Variants in ITPR1 observed in about 807,000 individuals in gnomAD.
ITPR1 encodes inositol 1,4,5-trisphosphate receptor type 1, also known as inositol 1,4,5-trisphosphate-gated calcium channel ITPR1.
In ITPR1, 96 loss-of-function variants were observed where a neutral mutation model predicts 318.4. That is an observed-to-expected ratio of 0.30 (90% CI 0.26 to 0.36). The LOEUF is 0.36. ITPR1 is among the 10% of genes least tolerant of loss of function. The probability of loss-of-function intolerance (pLI) is 1.00; values close to 1 mark genes in which losing one functional copy is unlikely to be tolerated. For missense variants in ITPR1, 2,440 were observed against 3,460.2 expected (o/e 0.71, Z 7.40); for synonymous variants, 1,312 against 1,289.9 (o/e 1.02, Z -0.37).
At chr3:4,815,330 G>T in intron 59 of ITPR1, 112 bp downstream of exon 59, 4 of 935,888 alleles carry the variant, frequency 4.3e-6, no homozygotes, top group Non-Finnish European at 6.4e-6. Flanking sequence ...TGCGGGAGGG[G>T]GCACCGGCTG....
intron 40 of ITPR1, among the ~76,000 whole-genome samples, chr3:4,722,606 G>A (rs1271158857): frequency 1.3e-5 from 2 of 151,930 alleles, no homozygotes; most frequent in African/African-American, 4.8e-5. Flanking sequence ...TATATTTATT[G>A]AAATTACAGC....
At position 4,775,116 on chromosome 3, in the gene ITPR1, C is replaced by A; in HGVS notation, c.5980-126C>A. 5 of 750,506 alleles carry A rather than the reference C, an allele frequency of 6.7e-6. No individual in the cohort carries two copies. In the South Asian group the frequency reaches 7.5e-5, roughly 11 times the overall value. 46.5% of individuals were successfully genotyped at this position (750,506 alleles called of 1,614,324 possible). On this transcript the variant is annotated intron_variant, in intron 46 of 61. Coordinates refer to ENST00000649015, the MANE Select transcript of ITPR1 (RefSeq NM_001378452.1). The stretch of plus-strand genomic sequence containing the variant: ...TGGGGGGCATACTGACTCTTCCATG[C>A]TCTCCCACGTGGCATCTCTCTGTAT...
chr3:4,620,755 T>C (rs1390489838), intron 4 of ITPR1, among the ~76,000 whole-genome samples: 1 of 151,210 alleles, frequency 6.6e-6, no homozygotes, highest in African/African-American at 2.4e-5. Flanking sequence ...TCTGTGAAGC[T>C]TTGAATCAAG....
intron 44 of ITPR1, among the ~76,000 whole-genome samples, chr3:4,764,502 A>G (rs1240253459): frequency 6.6e-6 from 1 of 152,226 alleles, no homozygotes; most frequent in Non-Finnish European, 1.5e-5. Context: ...CACTCTGCAT[A>G]AGGCAGACAG....
chr3:4,815,858 A>C (rs1175324088), intron 59 of ITPR1, among the ~76,000 whole-genome samples: 5 of 152,126 alleles, frequency 3.3e-5, no homozygotes, highest in Non-Finnish European at 7.4e-5. Context: ...TGCCCCCTTA[A>C]AACCTTTTTA....
intron 2 of ITPR1, among the ~76,000 whole-genome samples, chr3:4,504,820 C>T (rs189015209): frequency 2.6e-5 from 4 of 152,282 alleles, no homozygotes; most frequent in South Asian, 4.1e-4. Context: ...TTCTCTACCT[C>T]GTATTTACAG....
chr3:4,562,471 C>G (rs1023511193), intron 4 of ITPR1, among the ~76,000 whole-genome samples: 1 of 152,090 alleles, frequency 6.6e-6, no homozygotes, highest in African/African-American at 2.4e-5. Context: ...GTGAGTGAAG[C>G]AGTTGGACTA....
rs1338204832 is a variant in ITPR1, at chr3:4,619,661, CT to C, written c.164-8101del. Among the ~76,000 whole-genome samples the C allele has an allele frequency of 2.3e-3, 11 of 4,802 alleles. 2 individuals carry two copies. The highest frequency in any genetic ancestry group is 9.8e-3 in the Admixed American group (4 of 408). The allele number at this position is 4,802 out of a possible 152,430, so 3.2% of individuals were successfully genotyped here. A position where few individuals can be genotyped will look rare whatever the true frequency, so the allele number is the denominator to read the frequency against. On this transcript the variant is annotated intron_variant, in intron 4 of 61. Transcript: ENST00000649015. ...CCCTGCTCTCCTCTGCTCTCCCCTG[CT>C]CTCCTCTGCTCTCCCCTGCTCTCCT...
intron 4 of ITPR1, among the ~76,000 whole-genome samples, chr3:4,529,674 T>A (rs1487929041): frequency 6.6e-6 from 1 of 152,244 alleles, no homozygotes; most frequent in Non-Finnish European, 1.5e-5. Context: ...CTTTTAGGCT[T>A]CTGTGTTTGA....
Position 4,673,117 on chromosome 3 carries a change from C to G in ITPR1, c.2205-19C>G, listed in dbSNP as rs371612477. 50 of 1,606,510 alleles carry G rather than the reference C, an allele frequency of 3.1e-5. No individual in the cohort carries two copies. In the African/African-American group the frequency reaches 6.7e-4, roughly 21 times the overall value. On this transcript the variant is annotated intron_variant, in intron 20 of 61. Coordinates refer to ENST00000649015, the MANE Select transcript of ITPR1 (RefSeq NM_001378452.1). ...TGATTTCTGGAGCGTGAGCTGTGTG[C>G]CCTTGTTCCTTCCTCTAGATATCAG... is the stretch of plus-strand genomic sequence containing the variant.
intron 4 of ITPR1, among the ~76,000 whole-genome samples, chr3:4,602,939 A>C (rs1484239209): frequency 1.3e-5 from 2 of 152,144 alleles, no homozygotes; most frequent in Non-Finnish European, 2.9e-5. Flanking sequence ...GGTGGTACCA[A>C]TCTGTGGATT....
At chr3:4,572,813 A>G (rs2088169068) in intron 4 of ITPR1, among the ~76,000 whole-genome samples, 1 of 152,230 alleles carries the variant, frequency 6.6e-6, no homozygotes, top group African/African-American at 2.4e-5. Flanking sequence ...ACTACTTTAG[A>G]TACCTCATAT....
At position 4,782,723 on chromosome 3, in the gene ITPR1, C is replaced by G; in HGVS notation, c.6492C>G (p.Ile2164Met). 7 of 1,579,072 alleles carry G rather than the reference C, an allele frequency of 4.4e-6. No homozygotes were observed. Among genetic ancestry groups the G allele is most frequent in the Non-Finnish European group, 6.0e-6 (7 of 1,161,982 alleles). Reference sequence around the variant, plus strand: ...CCCCCAGGAACGTGGGGCACAACATCTACATATTAGCCCATCAGGTATGAT... The same window carrying G: ...CCCCCAGGAACGTGGGGCACAACATGTACATATTAGCCCATCAGGTATGAT... ...AASPRNVGHN[I>M]YILAHQLARH... is the part of the protein sequence containing the mutation. Residue 2164 changes from isoleucine to methionine, a missense_variant, in exon 50 of 62, where the codon ATC becomes ATG. Physicochemically the swap from Ile to Met is conservative, Grantham distance 10 (BLOSUM62 1). Around this residue, in one of 23 missense-constraint regions of ITPR1, gnomAD observed 115 missense variants for 204.5 expected, o/e 0.56. Coordinates refer to ENST00000649015, the MANE Select transcript of ITPR1 (RefSeq NM_001378452.1).
At chr3:4,720,571 A>G (rs1559767733) in intron 40 of ITPR1, among the ~76,000 whole-genome samples, 1 of 152,154 alleles carries the variant, frequency 6.6e-6, no homozygotes, top group Non-Finnish European at 1.5e-5. Flanking sequence ...GTCTGTTTCT[A>G]CGTATTTGAG....
intron 4 of ITPR1, among the ~76,000 whole-genome samples, chr3:4,521,525 T>G (rs1346789086): frequency 6.6e-6 from 1 of 152,124 alleles, no homozygotes; most frequent in Non-Finnish European, 1.5e-5. Flanking sequence ...AATGAAACGT[T>G]CTTAATTATT....
At chr3:4,741,415 G>A (rs778507799) in intron 44 of ITPR1, among the ~76,000 whole-genome samples, 1 of 152,172 alleles carries the variant, frequency 6.6e-6, no homozygotes, top group African/African-American at 2.4e-5. Flanking sequence ...AGACACACCC[G>A]AAAAGGGTTT....
intron 31 of ITPR1, among the ~76,000 whole-genome samples, chr3:4,690,384 T>A (rs1237918071): frequency 6.6e-6 from 1 of 152,196 alleles, no homozygotes; most frequent in East Asian, 1.9e-4. Flanking sequence ...TCAACATGAT[T>A]AGACATCAGA....
intron 4 of ITPR1, among the ~76,000 whole-genome samples, chr3:4,551,473 C>T (rs1420970038): frequency 5.3e-5 from 8 of 152,158 alleles, no homozygotes; most frequent in East Asian, 3.8e-4. Flanking sequence ...AATCTCTCAG[C>T]GTTGCCAAGA....
intron 5 of ITPR1, among the ~76,000 whole-genome samples, chr3:4,631,418 T>A (rs1267073169): frequency 6.6e-6 from 1 of 152,246 alleles, no homozygotes; most frequent in Non-Finnish European, 1.5e-5. Flanking sequence ...ATGTTACTAT[T>A]CCCCATTTTA....
Sources: allele counts gnomAD v4.1 joint callset (sites outside exome capture counted in the v4.1 genomes callset), GRCh38; gene constraint gnomAD v4.1.1; regional missense constraint gnomAD v4.1.1; transcripts MANE v1.5; gene names NCBI Gene and HGNC (gene_info 2026-07-23, HGNC 2026-07-21).